NYAP2: variants seen among roughly 807,000 people sequenced by gnomAD.
NYAP2 encodes the protein neuronal tyrosine-phosphorylated phosphoinositide-3-kinase adaptor 2, also known as neuronal tyrosine-phosphorylated phosphoinositide-3-kinase adapter 2.
NYAP2 carries 23 observed loss-of-function variants against 50.4 expected under a neutral mutation model. The observed-to-expected ratio is 0.46, with a 90% confidence interval of 0.33 to 0.65. NYAP2 has a LOEUF of 0.65. Ranked by LOEUF, NYAP2 falls within the 30% of genes least tolerant of loss-of-function variation. The pLI is 0.02. For synonymous variants in NYAP2, 394 were observed against 365.2 expected (o/e 1.08, Z -0.90); for missense variants, 885 against 861.0 (o/e 1.03, Z -0.35).
intron 4 of NYAP2, among the ~76,000 whole-genome samples, chr2:225,533,436 C>T (rs1559206951): frequency 6.6e-6 from 1 of 152,152 alleles, no homozygotes; most frequent in Non-Finnish European, 1.5e-5. Context: ...CCTATAATCC[C>T]AGCACTTTGG....
chr2:225,448,043 G>A (rs1298355051), intron 3 of NYAP2, among the ~76,000 whole-genome samples: 4 of 152,166 alleles, frequency 2.6e-5, no homozygotes, highest in Non-Finnish European at 5.9e-5. Flanking sequence ...AAGCTGTCCC[G>A]GTTTGTTGCC....
chr2:225,513,731 A>C, intron 4 of NYAP2, 59 bp downstream of exon 4: 1 of 1,359,464 alleles, frequency 7.4e-7, no homozygotes, highest in East Asian at 2.7e-5. Flanking sequence ...TGTTCAGGTC[A>C]GCATGCCCAG....
chr2:225,480,807 A>G (rs942009606), intron 3 of NYAP2, among the ~76,000 whole-genome samples: 4 of 152,132 alleles, frequency 2.6e-5, no homozygotes, highest in African/African-American at 4.8e-5. Flanking sequence ...TTTCTTATAT[A>G]AATGGTTTTT....
chr2:225,433,358 TA>T lies in NYAP2; in HGVS notation c.221+24270del, dbSNP rs10553749. 3.2e-4 allele frequency among the ~76,000 whole-genome samples: 48 copies of T among 149,076 alleles called. 1 individual carries two copies. The highest frequency in any genetic ancestry group is 4.2e-4 in the African/African-American group (17 of 40,312). On this transcript the variant is annotated intron_variant, in intron 3 of 6. Coordinates refer to ENST00000636099, the Ensembl canonical transcript of NYAP2. The stretch of plus-strand genomic sequence containing the variant: ...GCAAAGTAGTGAGACCCTATCTGTT[TA>T]AAAAAAAAAAAAGCAATTTGTTTGG...
At chr2:225,697,262 A>G in the NYAP2 span, among the ~76,000 whole-genome samples, 1 of 151,968 alleles carries the variant, frequency 6.6e-6, no homozygotes, top group Non-Finnish European at 1.5e-5. Flanking sequence ...ATGTATCAAT[A>G]TATAGTCCAC....
At chr2:225,496,411 A>C (rs1297989009) in intron 3 of NYAP2, among the ~76,000 whole-genome samples, 1 of 152,226 alleles carries the variant, frequency 6.6e-6, no homozygotes, top group Non-Finnish European at 1.5e-5. Context: ...ATTAGCCTAC[A>C]ACTTACATTT....
chr2:225,649,124 G>A (rs1693688511), intron 6 of NYAP2, among the ~76,000 whole-genome samples: 2 of 152,006 alleles, frequency 1.3e-5, no homozygotes, highest in South Asian at 4.2e-4. Context: ...GTGTGTAGGG[G>A]GTGAGAGCTA....
At chr2:225,493,177 G>C (rs1690439045) in intron 3 of NYAP2, among the ~76,000 whole-genome samples, 1 of 151,986 alleles carries the variant, frequency 6.6e-6, no homozygotes. Flanking sequence ...GTAAAGATAG[G>C]GGTCTTGCCA....
chr2:225,477,477 C>T (rs1309462478), intron 3 of NYAP2, among the ~76,000 whole-genome samples: 2 of 151,986 alleles, frequency 1.3e-5, no homozygotes, highest in African/African-American at 2.4e-5. Flanking sequence ...ACCTCGTGAT[C>T]CGCCTGCCTC....
At chr2:225,492,050 AGAGACCTGAACTT>A (rs1690416527) in intron 3 of NYAP2, among the ~76,000 whole-genome samples, 1 of 152,192 alleles carries the variant, frequency 6.6e-6, no homozygotes, top group Non-Finnish European at 1.5e-5. Flanking sequence ...GGTCAAGTGC[AGAGACCTGAACTT>A]GAGTGCTTAA....
chr2:225,669,032 C>T, the NYAP2 span, among the ~76,000 whole-genome samples: 10 of 121,152 alleles, frequency 8.3e-5, no homozygotes, highest in Admixed American at 2.1e-4. Context: ...TAACTACAGA[C>T]GTAATAGAGG....
At chr2:225,525,592 T>A (rs1691136622) in intron 4 of NYAP2, among the ~76,000 whole-genome samples, 1 of 151,778 alleles carries the variant, frequency 6.6e-6, no homozygotes, top group Admixed American at 6.6e-5. Flanking sequence ...ACAAACAGAG[T>A]AGAATAATAG....
At chr2:225,626,746 A>G (rs1693216106) in intron 5 of NYAP2, among the ~76,000 whole-genome samples, 171 bp from the exon 6 acceptor site, 1 of 152,214 alleles carries the variant, frequency 6.6e-6, no homozygotes, top group Non-Finnish European at 1.5e-5. Context: ...CAACTCAGAA[A>G]AAAGGCCCCC....
At chr2:225,694,256 G>A in the NYAP2 span, among the ~76,000 whole-genome samples, 1 of 151,646 alleles carries the variant, frequency 6.6e-6, no homozygotes, top group African/African-American at 2.4e-5. Flanking sequence ...TCAATTCCCA[G>A]AGTTCTTTCA....
rs557522045 is a variant in NYAP2, at chr2:225,571,859, G to A, written c.524-10082G>A. On this transcript the variant is annotated intron_variant, in intron 4 of 6. Coordinates refer to ENST00000636099, the Ensembl canonical transcript of NYAP2. ...ATGGGTTTTTCTTTTCTGTTGCATT[G>A]TCAGGCTGCAGATTTTCCAAACTTT... Among the ~76,000 whole-genome samples, 3 of 152,286 alleles carry A rather than the reference G, an allele frequency of 2.0e-5. No homozygotes were observed. In the South Asian group the frequency reaches 6.2e-4, roughly 32 times the overall value.
At chr2:225,402,918 A>C (rs1033589236) in intron 2 of NYAP2, among the ~76,000 whole-genome samples, 9 of 152,068 alleles carry the variant, frequency 5.9e-5, no homozygotes, top group Non-Finnish European at 1.2e-4. Context: ...GGTTATAACC[A>C]GGCTAGTCTG....
At chr2:225,535,160 C>G (rs1004128984) in intron 4 of NYAP2, among the ~76,000 whole-genome samples, 3 of 152,182 alleles carry the variant, frequency 2.0e-5, no homozygotes, top group African/African-American at 7.2e-5. Flanking sequence ...GGAGAAGCCA[C>G]CTGCACTGCA....
upstream of NYAP2, among the ~76,000 whole-genome samples, chr2:225,399,518 C>T (rs1694822556): frequency 1.3e-5 from 2 of 151,958 alleles, no homozygotes; most frequent in Admixed American, 6.6e-5. Flanking sequence ...AATTATTTTG[C>T]ATCTTATTTT....
intron 5 of NYAP2, among the ~76,000 whole-genome samples, chr2:225,611,985 A>G (rs1692895352): frequency 6.6e-6 from 1 of 151,406 alleles, no homozygotes; most frequent in East Asian, 1.9e-4. Context: ...AAAAAATTTC[A>G]GAGTAAACTG....
Sources: allele counts gnomAD v4.1 joint callset (sites outside exome capture counted in the v4.1 genomes callset), GRCh38; gene constraint gnomAD v4.1.1; transcripts MANE v1.5; gene names NCBI Gene and HGNC (gene_info 2026-07-23, HGNC 2026-07-21).